The following TAF3 variants were observed in gnomAD, a reference collection of about 807,000 sequenced individuals.
The protein encoded by TAF3 is transcription initiation factor TFIID subunit 3.
In TAF3, 7 loss-of-function variants were observed where a neutral mutation model predicts 80.6. The observed-to-expected ratio is 0.09, with a 90% confidence interval of 0.05 to 0.16. The LOEUF is 0.16. Among genes scored for constraint, TAF3 ranks in the 10% least tolerant of loss-of-function variants. The pLI is 1.00. For missense variants in TAF3, 921 were observed against 1,140.2 expected (o/e 0.81, Z 2.77); for synonymous variants, 444 against 446.1 (o/e 1.00, Z 0.06).
At chr10:7,888,740 CAG>C (rs1837433178) in intron 2 of TAF3, among the ~76,000 whole-genome samples, 1 of 152,244 alleles carries the variant, frequency 6.6e-6, no homozygotes, top group Non-Finnish European at 1.5e-5. Context: ...ACCAAGAAGA[CAG>C]TGACAGAGCT....
At chr10:7,935,324 G>A (rs942390763) in intron 2 of TAF3, among the ~76,000 whole-genome samples, 5 of 151,702 alleles carry the variant, frequency 3.3e-5, no homozygotes, top group Non-Finnish European at 5.9e-5. Flanking sequence ...GCGGCCAGGC[G>A]CGGTGGCTTA....
chr10:7,979,378 G>A (rs1831704361), intron 4 of TAF3, among the ~76,000 whole-genome samples: 2 of 146,152 alleles, frequency 1.4e-5, no homozygotes, highest in Non-Finnish European at 1.5e-5. Flanking sequence ...AAAAAAAAAG[G>A]CATTGATAGT....
chr10:7,849,664 G>A (rs1837007201), intron 2 of TAF3, among the ~76,000 whole-genome samples: 1 of 151,008 alleles, frequency 6.6e-6, no homozygotes, highest in African/African-American at 2.4e-5. Flanking sequence ...TATTGGGGGG[G>A]TTCATGCGAA....
Position 7,818,790 on chromosome 10 carries a change from G to C in TAF3, c.81G>C (p.Gln27His), listed in dbSNP as rs747577886. Residue 27 changes from glutamine to histidine, a missense_variant, in exon 1 of 7, where the codon CAG becomes CAC. Around this residue, in one of 6 missense-constraint regions of TAF3, gnomAD observed 106 missense variants for 191.8 expected, o/e 0.55. Transcript: ENST00000344293. The stretch of plus-strand genomic sequence containing the variant: ...AGGCGCTGGGCTGGGACTCGGTGCA[G>C]CTCAGCGCCTGCCACCTCCTCACGG... ...ICQALGWDSV[Q>H]LSACHLLTDV... 3.8e-6 allele frequency: 6 copies of C among 1,572,586 alleles called. No individual in the cohort carries two copies. The highest frequency in any genetic ancestry group is 1.7e-6 in the Non-Finnish European group (2 of 1,169,456).
rs549695498 is a variant in TAF3, at chr10:8,014,790, G to A, written c.*39G>A. ...GCTGGACCAAGCGGGGTCAGCCCGG[G>A]CTTCTTCCCTGGCGCCTCTGGAAGG... On this transcript the variant is annotated 3_prime_UTR_variant, in exon 7 of 7. Transcript: ENST00000344293. 6.5e-7 allele frequency: 1 copy of A among 1,531,782 alleles called. No individual in the cohort carries two copies. The highest frequency in any genetic ancestry group is 8.8e-7 in the Non-Finnish European group (1 of 1,134,968). The allele number at this position is 1,531,782 out of a possible 1,614,324, so 94.9% of individuals were successfully genotyped here. A position where few individuals can be genotyped will look rare whatever the true frequency, so the allele number is the denominator to read the frequency against.
intron 2 of TAF3, among the ~76,000 whole-genome samples, chr10:7,955,209 G>T (rs415641): frequency 1.9e-4 from 29 of 152,178 alleles, no homozygotes; most frequent in Admixed American, 1.5e-3. Context: ...CACCTCTCCC[G>T]TGCTGTCTAA....
At chr10:7,945,408 T>A (rs902419316) in intron 2 of TAF3, among the ~76,000 whole-genome samples, 89 of 152,316 alleles carry the variant, frequency 5.8e-4, no homozygotes, top group African/African-American at 2.0e-3. Context: ...AGGTCTTTTG[T>A]TTGTTTGACT....
intron 2 of TAF3, among the ~76,000 whole-genome samples, chr10:7,952,567 T>C (rs1838091930): frequency 6.6e-6 from 1 of 152,210 alleles, no homozygotes; most frequent in East Asian, 1.9e-4. Flanking sequence ...TATTAACATA[T>C]AGATTAGGCC....
chr10:8,000,464 A>C (rs532478491), intron 4 of TAF3, among the ~76,000 whole-genome samples: 425 of 152,188 alleles, frequency 2.8e-3, no homozygotes, highest in Non-Finnish European at 5.0e-3. Context: ...TGGATAAATC[A>C]AAAGGAGAAA....
chr10:7,974,389 T>C (rs975462388), intron 3 of TAF3, among the ~76,000 whole-genome samples: 12 of 152,336 alleles, frequency 7.9e-5, no homozygotes, highest in East Asian at 3.9e-4. Flanking sequence ...GAAATACTTA[T>C]AGGTTATTTA....
chr10:7,837,634 C>T (rs1269865591), intron 2 of TAF3, among the ~76,000 whole-genome samples: 1 of 152,150 alleles, frequency 6.6e-6, no homozygotes, highest in African/African-American at 2.4e-5. Context: ...AAGAGCAAGA[C>T]TCTGTCTCAG....
intron 2 of TAF3, among the ~76,000 whole-genome samples, chr10:7,857,110 A>G (rs1449947646): frequency 6.6e-6 from 1 of 152,192 alleles, no homozygotes; most frequent in Non-Finnish European, 1.5e-5. Flanking sequence ...ATTTTCCTTT[A>G]TGTTAATGAG....
chr10:7,953,371 T>C (rs1838103023), intron 2 of TAF3, among the ~76,000 whole-genome samples: 1 of 152,238 alleles, frequency 6.6e-6, no homozygotes, highest in Admixed American at 6.5e-5. Context: ...GGAGTAGCTC[T>C]GTCCTGCCCT....
intron 5 of TAF3, among the ~76,000 whole-genome samples, chr10:8,010,066 C>G (rs1347312250): frequency 6.6e-6 from 1 of 152,096 alleles, no homozygotes; most frequent in African/African-American, 2.4e-5. Flanking sequence ...CCACCACTCT[C>G]GATTAGTTTT....
chr10:7,886,484 A>C (rs1020528894), intron 2 of TAF3, among the ~76,000 whole-genome samples: 1 of 152,200 alleles, frequency 6.6e-6, no homozygotes, highest in African/African-American at 2.4e-5. Context: ...ACCAAAGAAA[A>C]GTTTGGTTTT....
intron 2 of TAF3, among the ~76,000 whole-genome samples, chr10:7,954,604 A>G (rs1838117002): frequency 3.0e-5 from 4 of 131,516 alleles, no homozygotes; most frequent in African/African-American, 5.5e-5. Context: ...TGAATGAATG[A>G]ATTAGTCCCA....
chr10:7,900,481 A>G (rs532401551), intron 2 of TAF3, among the ~76,000 whole-genome samples: 45 of 152,334 alleles, frequency 3.0e-4, no homozygotes, highest in African/African-American at 1.0e-3. Context: ...GAGAGAGCTC[A>G]GAGGCCCAGC....
Position 7,989,179 on chromosome 10 carries a change from G to A in TAF3, c.2315+11856G>A, listed in dbSNP as rs774692800. 5.3e-5 allele frequency among the ~76,000 whole-genome samples: 8 copies of A among 152,174 alleles called. 1 individual carries two copies. Among genetic ancestry groups the A allele is most frequent in the Admixed American group, 1.3e-4 (2 of 15,284 alleles). On this transcript the variant is annotated intron_variant, in intron 4 of 6. Coordinates refer to ENST00000344293, the MANE Select transcript of TAF3 (RefSeq NM_031923.4). ...TGGGCCAGCTGAGATCACGTGACCA[G>A]CCTGAACCAATCACTGTGCCTGTGG... is the stretch of plus-strand genomic sequence containing the variant.
intron 2 of TAF3, among the ~76,000 whole-genome samples, chr10:7,903,733 C>A (rs1837581491): frequency 3.9e-5 from 6 of 152,170 alleles, no homozygotes; most frequent in Admixed American, 3.9e-4. Flanking sequence ...TGAATTTAAT[C>A]ATCTTTTCCA....
Sources: gnomAD v4.1 joint callset for allele counts (sites outside exome capture counted in the v4.1 genomes callset) on GRCh38, gnomAD v4.1.1 for gene constraint, gnomAD v4.1.1 regional missense constraint, MANE v1.5 for transcripts, NCBI Gene and HGNC (gene_info 2026-07-23, HGNC 2026-07-21) for gene names.